CASZ1: variants seen among roughly 807,000 people sequenced by gnomAD.
CASZ1 encodes the protein castor zinc finger 1.
In CASZ1, 28 loss-of-function variants were observed where a neutral mutation model predicts 135.2. The observed-to-expected ratio is 0.21, with a 90% CI of 0.15 to 0.28. The LOEUF is 0.28. Ranked by LOEUF, CASZ1 falls within the 10% of genes least tolerant of loss-of-function variation. CASZ1 has a pLI of 1.00. For synonymous variants in CASZ1, 1,068 were observed against 1,073.4 expected, an observed-to-expected ratio of 0.99 and a Z score of 0.10; for missense variants, 2,161 against 2,453.3, an observed-to-expected ratio of 0.88 and a Z score of 2.52.
intron 1 of CASZ1, among the ~76,000 whole-genome samples, chr1:10,781,868 C>A (rs1640768526): frequency 6.6e-6 from 1 of 152,130 alleles, no homozygotes; most frequent in African/African-American, 2.4e-5. Context: ...GAGAAGAGCC[C>A]ACAATATTCC....
chr1:10,746,329 CCT>C (rs1477088388), intron 2 of CASZ1, among the ~76,000 whole-genome samples: 1 of 152,222 alleles, frequency 6.6e-6, no homozygotes, highest in Non-Finnish European at 1.5e-5. Flanking sequence ...AAATCCTACC[CCT>C]GTTCCATCGA....
rs143358158 is a variant in CASZ1 at position 10,791,872 on chromosome 1, C to T, written c.-234+4692G>A. On this transcript the variant is annotated intron_variant, in intron 1 of 20. Coordinates refer to ENST00000377022, the MANE Select transcript of CASZ1 (RefSeq NM_001079843.3). ...GCTTCAGAAAGACAATAAACCTGCC[C>T]GGTCGCCATGGATATGACATATTTG... Among the ~76,000 whole-genome samples the T allele has an allele frequency of 5.9e-4, 89 of 152,128 alleles. 1 individual carries two copies. In the East Asian group the frequency reaches 0.016, roughly 27 times the overall value.
chr1:10,688,828 C>G (rs1470849443), intron 4 of CASZ1, among the ~76,000 whole-genome samples: 3 of 152,232 alleles, frequency 2.0e-5, no homozygotes, highest in Non-Finnish European at 4.4e-5. Context: ...TGCCCCTCCT[C>G]TTTTGCACAC....
chr1:10,653,475 G>T lies in CASZ1; in HGVS notation c.2582C>A (p.Ser861Tyr). Reference sequence around the variant, plus strand: ...GCTTGCAGAGATCCTCTCCATGATGGAGGCGGGTGGTGCCGGGACAGAGGC... The same window carrying T: ...GCTTGCAGAGATCCTCTCCATGATGTAGGCGGGTGGTGCCGGGACAGAGGC... ...AAASVPAPPA[S>Y]IMERISASKG... The change falls in exon 11 of 21, where the codon TCC becomes TAC. Residue 861 changes from serine (S) to tyrosine (Y), a missense_variant. Transcript: ENST00000377022. 1 of 1,613,130 alleles carries T rather than the reference G, an allele frequency of 6.2e-7. No homozygotes were observed. The highest frequency in any genetic ancestry group is 8.5e-7 in the Non-Finnish European group (1 of 1,179,926).
chr1:10,698,043 T>G (rs931224737), intron 3 of CASZ1, among the ~76,000 whole-genome samples: 1 of 151,988 alleles, frequency 6.6e-6, no homozygotes, highest in Non-Finnish European at 1.5e-5. Flanking sequence ...CAGGTGGGTG[T>G]TGGGGCAGGG....
At chr1:10,749,089 G>T (rs929652152) in intron 2 of CASZ1, among the ~76,000 whole-genome samples, 1 of 152,126 alleles carries the variant, frequency 6.6e-6, no homozygotes, top group East Asian at 1.9e-4. Flanking sequence ...GCAGTCCGGG[G>T]CCCTGCACAG....
intron 4 of CASZ1, among the ~76,000 whole-genome samples, chr1:10,683,270 C>T (rs954325357): frequency 6.6e-6 from 1 of 152,156 alleles, no homozygotes; most frequent in African/African-American, 2.4e-5. Flanking sequence ...TTCCCCACCT[C>T]CTAAAGCACA....
chr1:10,703,925 C>A (rs1316803210), intron 3 of CASZ1, among the ~76,000 whole-genome samples: 1 of 152,204 alleles, frequency 6.6e-6, no homozygotes, highest in Non-Finnish European at 1.5e-5. Flanking sequence ...AAGGGCTCTG[C>A]CAAGCCCTGC....
At chr1:10,672,097 T>G (rs1643419428) in intron 4 of CASZ1, among the ~76,000 whole-genome samples, 1 of 152,200 alleles carries the variant, frequency 6.6e-6, no homozygotes, top group Middle Eastern at 3.2e-3. Flanking sequence ...CTTTCCCTGC[T>G]TGCCCGAGAG....
chr1:10,721,801 G>A lies in CASZ1; in HGVS notation c.-76-16257C>T, dbSNP rs966900081. Among the ~76,000 whole-genome samples the A allele has an allele frequency of 1.3e-5, 2 of 152,254 alleles. No individual in the cohort carries two copies. Among genetic ancestry groups the A allele is most frequent in the East Asian group, 3.8e-4 (2 of 5,200 alleles). On this transcript the variant is annotated intron_variant, in intron 2 of 20. Coordinates refer to ENST00000377022, the MANE Select transcript of CASZ1 (RefSeq NM_001079843.3). The surrounding 1 kb of genome is among the most constrained non-coding windows in gnomAD (Gnocchi z 5.4). Reference sequence around the variant, plus strand: ...CTTCAGCCCAGCAAGTCTCTGGGTCGTGGTGGAGGCCAACTGCCTTTTTGC... The same window carrying A: ...CTTCAGCCCAGCAAGTCTCTGGGTCATGGTGGAGGCCAACTGCCTTTTTGC...
rs1291494713 is a variant in CASZ1, at chr1:10,694,074, C to T, written c.-23-162G>A. On this transcript the variant is annotated intron_variant, in intron 3 of 20. Transcript: ENST00000377022. This position sits in a 1 kb window ranked among gnomAD's most constrained non-coding sequence, Gnocchi z 6.6. ...CGGAGAAACTTTCTCCTCCGCGCCG[C>T]CCGCTTCTCACGCTCGGCCCCGCAC... 6.6e-6 allele frequency among the ~76,000 whole-genome samples: 1 copy of T among 151,696 alleles called. No individual in the cohort carries two copies. The highest frequency in any genetic ancestry group is 2.4e-5 in the African/African-American group (1 of 41,392).
At position 10,646,120 on chromosome 1, in the gene CASZ1, A is replaced by G; in HGVS notation, c.3696+8T>C. ...CTCTGCCCCTGCGCCGTGTACCGCC[A>G]TGCTGACCTGGTTGGGACAGAGACA... On this transcript the variant is annotated splice_region_variant and intron_variant, in intron 17 of 20. Transcript: ENST00000377022. This position sits in a 1 kb window ranked among gnomAD's most constrained non-coding sequence, Gnocchi z 6.4. The G allele has an allele frequency of 1.2e-5, 19 of 1,613,778 alleles. No homozygotes were observed. Among genetic ancestry groups the G allele is most frequent in the Non-Finnish European group, 1.5e-5 (18 of 1,179,910 alleles).
chr1:10,723,662 C>T lies in CASZ1; in HGVS notation c.-76-18118G>A, dbSNP rs190843297. On this transcript the variant is annotated intron_variant, in intron 2 of 20. Coordinates refer to ENST00000377022, the MANE Select transcript of CASZ1 (RefSeq NM_001079843.3). ...TCATGGCTTAGAGGAAAGGACCCTC[C>T]AGGGCATCAAATCAGCAGCCCTGGC... Among the ~76,000 whole-genome samples the T allele has an allele frequency of 1.8e-3, 269 of 152,316 alleles. 2 individuals are homozygous for T. The highest frequency in any genetic ancestry group is 2.3e-3 in the South Asian group (11 of 4,824).
chr1:10,713,936 C>T lies in CASZ1; in HGVS notation c.-76-8392G>A, dbSNP rs146093439. Among the ~76,000 whole-genome samples, 7 of 152,352 alleles carry T rather than the reference C, an allele frequency of 4.6e-5. No homozygotes were observed. In the East Asian group the frequency reaches 1.2e-3, roughly 25 times the overall value. On this transcript the variant is annotated intron_variant, in intron 2 of 20. Coordinates refer to ENST00000377022, the MANE Select transcript of CASZ1 (RefSeq NM_001079843.3). The stretch of plus-strand genomic sequence containing the variant: ...TCTTGGCTTCCCAAGGTTACGCCTT[C>T]AACTTCAAAGGAGAAGAAAATTCAG...
chr1:10,662,070 C>T (rs1027129171), intron 5 of CASZ1, among the ~76,000 whole-genome samples: 2 of 151,296 alleles, frequency 1.3e-5, no homozygotes, highest in Non-Finnish European at 2.9e-5. Flanking sequence ...ATAACACACA[C>T]GCATTCTCAC....
rs975373914 is a variant in CASZ1, at chr1:10,676,697, G to C, written c.17-11126C>G. Among the ~76,000 whole-genome samples, 2 of 152,176 alleles carry C rather than the reference G, an allele frequency of 1.3e-5. No homozygotes were observed. Among genetic ancestry groups the C allele is most frequent in the African/African-American group, 4.8e-5 (2 of 41,438 alleles). On this transcript the variant is annotated intron_variant, in intron 4 of 20. Transcript: ENST00000377022. This position sits in a 1 kb window ranked among gnomAD's most constrained non-coding sequence, Gnocchi z 4.5. ...CAGCTCAGAAACGAGCCCCTGGCCC[G>C]GGGCGAGCAGCCCCACAGTTTCCTG...
chr1:10,743,463 G>T (rs546108140), intron 2 of CASZ1, among the ~76,000 whole-genome samples: 71 of 152,082 alleles, frequency 4.7e-4, no homozygotes, highest in Non-Finnish European at 8.7e-4. Flanking sequence ...AACCTTCTAA[G>T]TGTACCCCGG....
chr1:10,654,732 G>A (rs773238564), intron 9 of CASZ1, 141 bp from the exon 10 acceptor site: 7 of 767,074 alleles, frequency 9.1e-6, no homozygotes, highest in East Asian at 5.0e-5. Flanking sequence ...TGGAGGCCTC[G>A]GGATGTTGAT....
chr1:10,663,785 C>T (rs1387319506), intron 5 of CASZ1, among the ~76,000 whole-genome samples: 2 of 152,232 alleles, frequency 1.3e-5, no homozygotes, highest in Non-Finnish European at 2.9e-5. Flanking sequence ...CAGTGTCGGG[C>T]TGAGGGGGCG....
Sources: gnomAD v4.1 joint callset for allele counts (sites outside exome capture counted in the v4.1 genomes callset) on GRCh38, gnomAD v4.1.1 for gene constraint, Gnocchi (gnomAD v3.1) non-coding constraint, MANE v1.5 for transcripts, NCBI Gene and HGNC (gene_info 2026-07-23, HGNC 2026-07-21) for gene names.